Variants in AP2B1 observed in about 807,000 individuals in gnomAD.
AP2B1 encodes adaptor related protein complex 2 subunit beta 1.
A neutral mutation model predicts 102.0 loss-of-function variants in AP2B1; 23 were observed. The observed-to-expected ratio is 0.23, with a 90% CI of 0.16 to 0.32. The LOEUF (loss-of-function observed/expected upper bound fraction) is 0.32, where lower values mean the gene tolerates loss of function less well. Ranked by LOEUF, AP2B1 falls within the 10% of genes least tolerant of loss-of-function variation. The pLI is 1.00. For missense variants in AP2B1, 541 were observed against 1,157.4 expected (o/e 0.47, Z 7.73); for synonymous variants, 381 against 421.2 (o/e 0.90, Z 1.17).
chr17:35,606,832 C>T (rs965622819), intron 4 of AP2B1, among the ~76,000 whole-genome samples: 1 of 151,802 alleles, frequency 6.6e-6, no homozygotes, highest in African/African-American at 2.4e-5. Context: ...AAAATATTTT[C>T]TTATTATTGA....
chr17:35,591,726 T>C (rs1228606400), intron 1 of AP2B1, among the ~76,000 whole-genome samples: 3 of 152,240 alleles, frequency 2.0e-5, no homozygotes, highest in East Asian at 1.9e-4. Flanking sequence ...AGGTCTTTTA[T>C]GTGAAGAATT....
chr17:35,638,738 G>A (rs1033238388), intron 10 of AP2B1, among the ~76,000 whole-genome samples: 2 of 150,880 alleles, frequency 1.3e-5, no homozygotes, highest in Admixed American at 1.3e-4. Flanking sequence ...GCAGTGAGCC[G>A]GGATCGTGCC....
At chr17:35,591,213 C>T (rs1402954715) in intron 1 of AP2B1, among the ~76,000 whole-genome samples, 3 of 150,026 alleles carry the variant, frequency 2.0e-5, no homozygotes, top group African/African-American at 7.4e-5. Context: ...GGGCTGGGCA[C>T]GGTGATCCCA....
intron 3 of AP2B1, among the ~76,000 whole-genome samples, chr17:35,598,562 A>T (rs2073370097): frequency 6.6e-6 from 1 of 152,192 alleles, no homozygotes; most frequent in South Asian, 2.1e-4. Flanking sequence ...CAGTGAAACG[A>T]GTTTGATTTC....
At chr17:35,647,380 C>G (rs1267357467) in intron 12 of AP2B1, among the ~76,000 whole-genome samples, 1 of 152,042 alleles carries the variant, frequency 6.6e-6, no homozygotes, top group African/African-American at 2.4e-5. Flanking sequence ...AAATTAGTCC[C>G]TCAGTGCCCC....
In AP2B1 at chr17:35,724,134, AG is replaced by A. The variant is rs56183066; in HGVS notation, c.*438del. 6.1e-6 allele frequency: 1 copy of A among 163,642 alleles called. No homozygotes were observed. Among genetic ancestry groups the A allele is most frequent in the Admixed American group, 5.8e-5 (1 of 17,142 alleles). 10.1% of individuals were successfully genotyped at this position (163,642 alleles called of 1,614,324 possible). A position where few individuals can be genotyped will look rare whatever the true frequency, so the allele number is the denominator to read the frequency against. On this transcript the variant is annotated 3_prime_UTR_variant, in exon 22 of 22. Transcript: ENST00000610402. ...ATACTTTTGTACATATGAGAAATCA[AG>A]GGATTAGTGCAACCAGTAGAAAGCA...
intron 18 of AP2B1, among the ~76,000 whole-genome samples, chr17:35,688,236 G>A (rs746363057): frequency 6.6e-6 from 1 of 152,126 alleles, no homozygotes; most frequent in Admixed American, 6.6e-5. Context: ...CCTGAGAATA[G>A]GTATGTAGAC....
intron 17 of AP2B1, among the ~76,000 whole-genome samples, chr17:35,675,717 A>G (rs151105030): frequency 2.7e-5 from 4 of 148,050 alleles, no homozygotes; most frequent in Non-Finnish European, 4.5e-5. Context: ...GCTCACTGCA[A>G]CCTCTTTTGT....
At chr17:35,608,638 A>G (rs2073765080) in intron 5 of AP2B1, among the ~76,000 whole-genome samples, 1 of 152,198 alleles carries the variant, frequency 6.6e-6, no homozygotes, top group South Asian at 2.1e-4. Context: ...CATATTGCCC[A>G]TGATGAAAAC....
At chr17:35,698,003 T>C (rs2076173308) in intron 18 of AP2B1, among the ~76,000 whole-genome samples, 1 of 152,218 alleles carries the variant, frequency 6.6e-6, no homozygotes, top group Admixed American at 6.5e-5. Context: ...TAGATATTCA[T>C]TATTTCTCTT....
At position 35,709,156 on chromosome 17, in the gene AP2B1, G is replaced by A. The variant is rs879998864; in HGVS notation, c.2455-68G>A. The A allele has an allele frequency of 6.7e-6, 9 of 1,349,976 alleles. No individual in the cohort carries two copies. In the South Asian group the frequency reaches 7.0e-5, roughly 11 times the overall value. 83.6% of individuals were successfully genotyped at this position (1,349,976 alleles called of 1,614,324 possible). On this transcript the variant is annotated intron_variant, in intron 18 of 21. Transcript: ENST00000610402. Reference sequence around the variant, plus strand: ...ATAGGGAGGCCTATTTCTAGACACAGCGCTGTTCTTTTCCTCCTACCTGGC... The same window carrying A: ...ATAGGGAGGCCTATTTCTAGACACAACGCTGTTCTTTTCCTCCTACCTGGC...
At chr17:35,619,827 C>T (rs1200985285) in intron 5 of AP2B1, among the ~76,000 whole-genome samples, 3 of 152,012 alleles carry the variant, frequency 2.0e-5, no homozygotes, top group Non-Finnish European at 2.9e-5. Context: ...TTCTGTTGTC[C>T]AGGCTAGAGT....
intron 12 of AP2B1, among the ~76,000 whole-genome samples, chr17:35,648,576 T>G (rs2075003730): frequency 6.6e-6 from 1 of 151,412 alleles, no homozygotes; most frequent in South Asian, 2.1e-4. Flanking sequence ...AAAACAATAA[T>G]AAAGGTAGAA....
rs1292040990 is a variant in AP2B1, at chr17:35,587,711, G to C, written c.-24+283G>C. 3 of 152,580 alleles carry C rather than the reference G, an allele frequency of 2.0e-5. No homozygotes were observed. The South Asian group carries it at 6.2e-4, about 31-fold the overall frequency. 9.5% of individuals were successfully genotyped at this position (152,580 alleles called of 1,614,324 possible). On this transcript the variant is annotated intron_variant, in intron 1 of 21. Transcript: ENST00000610402. ...GATGTGTTTCGGAATTGAGGGTTTAGGGGGACCAGAGGCCAGGGGTGTGGC... is the reference window on the plus strand; with the variant it reads ...GATGTGTTTCGGAATTGAGGGTTTACGGGGACCAGAGGCCAGGGGTGTGGC...
Position 35,594,313 on chromosome 17 carries a change from T to A in AP2B1, c.37+246T>A, listed in dbSNP as rs189557240. On this transcript the variant is annotated intron_variant, in intron 2 of 21. Transcript: ENST00000610402. Reference sequence around the variant, plus strand: ...CTGTTTAGTGAAAGAGACTCCTCTTTGCTGTTTGAGATGATCCATTGGAGA... The same window carrying A: ...CTGTTTAGTGAAAGAGACTCCTCTTAGCTGTTTGAGATGATCCATTGGAGA... 3.7e-3 allele frequency among the ~76,000 whole-genome samples: 565 copies of A among 152,328 alleles called. 2 individuals are homozygous for A. The highest frequency in any genetic ancestry group is 0.013 in the African/African-American group (540 of 41,578).
intron 10 of AP2B1, among the ~76,000 whole-genome samples, chr17:35,638,886 G>A (rs930878294): frequency 6.6e-6 from 1 of 151,818 alleles, no homozygotes; most frequent in African/African-American, 2.4e-5. Context: ...CACTGTTGTT[G>A]TCTAACTTCA....
chr17:35,648,410 G>A (rs1376278262), intron 12 of AP2B1, among the ~76,000 whole-genome samples: 1 of 152,034 alleles, frequency 6.6e-6, no homozygotes, highest in African/African-American at 2.4e-5. Flanking sequence ...CAGCTACTTG[G>A]GAGACAGAGG....
chr17:35,640,001 T>G (rs1228311437), intron 11 of AP2B1, among the ~76,000 whole-genome samples: 1 of 150,524 alleles, frequency 6.6e-6, no homozygotes, highest in Non-Finnish European at 1.5e-5. Context: ...ACTGCAACCT[T>G]TGCCTCCTGG....
chr17:35,672,077 A>G (rs2075600896), intron 16 of AP2B1, among the ~76,000 whole-genome samples, 177 bp downstream of exon 16: 1 of 152,228 alleles, frequency 6.6e-6, no homozygotes, highest in African/African-American at 2.4e-5. Flanking sequence ...CACCATTAGC[A>G]TCCTTGTTAA....
Sources: allele counts gnomAD v4.1 joint callset (sites outside exome capture counted in the v4.1 genomes callset), GRCh38; gene constraint gnomAD v4.1.1; transcripts MANE v1.5; gene names NCBI Gene and HGNC (gene_info 2026-07-23, HGNC 2026-07-21).